The following BEND7 variants were observed in gnomAD, a reference collection of about 807,000 sequenced individuals.
BEND7 encodes BEN domain containing 7.
In BEND7, 28 loss-of-function variants were observed where a neutral mutation model predicts 50.9. The observed-to-expected ratio is 0.55, with a 90% CI of 0.41 to 0.75. The LOEUF is 0.75. BEND7 is among the 30% of genes least tolerant of loss of function. BEND7 has a pLI of 0.00. For missense variants in BEND7, 477 were observed against 491.3 expected (o/e 0.97, Z 0.28); for synonymous variants, 170 against 183.9 (o/e 0.92, Z 0.61).
intron 2 of BEND7, among the ~76,000 whole-genome samples, chr10:13,515,512 G>T (rs542923528): frequency 6.6e-6 from 1 of 152,278 alleles, no homozygotes; most frequent in East Asian, 1.9e-4. Context: ...CAAGGATATT[G>T]GTTGTATGGA....
intron 5 of BEND7, among the ~76,000 whole-genome samples, chr10:13,484,753 C>G (rs569752378): frequency 6.6e-6 from 1 of 152,196 alleles, no homozygotes; most frequent in Non-Finnish European, 1.5e-5. Context: ...ATTTAAGACA[C>G]TTAGAGTCAT....
downstream of BEND7, chr10:13,439,015 C>T: frequency 7.0e-6 from 5 of 719,236 alleles, no homozygotes. Flanking sequence ...ACCTCAGGTC[C>T]AACTTTAATC....
At chr10:13,529,386 G>A (rs1239140901), upstream of BEND7, among the ~76,000 whole-genome samples, 5 of 152,082 alleles carry the variant, frequency 3.3e-5, no homozygotes, top group Non-Finnish European at 7.4e-5. Flanking sequence ...GCGCCCCGGG[G>A]CCCGACGCGC....
chr10:13,447,331 C>T lies in BEND7; in HGVS notation c.1184-15G>A. On this transcript the variant is annotated splice_polypyrimidine_tract_variant and intron_variant, in intron 7 of 8. Transcript: ENST00000466271. ...GTCCGCGATCTCTGCTGGTTACAAA[C>T]ATAAGACACAAATCTCATTAGTTCC... 1.2e-6 allele frequency: 2 copies of T among 1,613,942 alleles called. No individual in the cohort carries two copies. The highest frequency in any genetic ancestry group is 1.7e-6 in the Non-Finnish European group (2 of 1,179,886).
At chr10:13,460,743 T>G (rs914421559) in intron 6 of BEND7, among the ~76,000 whole-genome samples, 5 of 152,248 alleles carry the variant, frequency 3.3e-5, no homozygotes, top group Admixed American at 2.6e-4. Flanking sequence ...TTTTGTTGAT[T>G]CTTATTAAGT....
intron 6 of BEND7, among the ~76,000 whole-genome samples, chr10:13,480,276 T>C (rs923158661): frequency 2.0e-5 from 3 of 152,118 alleles, no homozygotes; most frequent in Non-Finnish European, 2.9e-5. Context: ...ATGGTCATCG[T>C]AGTGCAGTGG....
chr10:13,529,194 CGCCCTG>C (rs888273110), upstream of BEND7, among the ~76,000 whole-genome samples: 143 of 145,762 alleles, frequency 9.8e-4, 1 homozygote, highest in Middle Eastern at 0.01. Flanking sequence ...CGCGGCGCAG[CGCCCTG>C]GCCCGGGCCC....
At chr10:13,465,704 A>AC (rs2074173826) in intron 6 of BEND7, among the ~76,000 whole-genome samples, 1 of 151,858 alleles carries the variant, frequency 6.6e-6, no homozygotes, top group African/African-American at 2.4e-5. Context: ...GTCAAGCCAC[A>AC]CTTTTTTTTT....
intron 6 of BEND7, among the ~76,000 whole-genome samples, chr10:13,470,643 G>A (rs2074720252): frequency 6.6e-6 from 1 of 152,198 alleles, no homozygotes; most frequent in Admixed American, 6.5e-5. Context: ...GAGGAGATGA[G>A]ATCCCTTTTT....
chr10:13,497,413 T>G (rs2132126918), intron 3 of BEND7, among the ~76,000 whole-genome samples: 1 of 152,312 alleles, frequency 6.6e-6, no homozygotes, highest in Non-Finnish European at 1.5e-5. Context: ...TAGAATACTC[T>G]CTGGGTGTGG....
At chr10:13,457,910 C>T (rs1839340843) in intron 6 of BEND7, among the ~76,000 whole-genome samples, 1 of 152,128 alleles carries the variant, frequency 6.6e-6, no homozygotes, top group Non-Finnish European at 1.5e-5. Flanking sequence ...CTTGAGAATG[C>T]AATAGGTTCT....
intron 7 of BEND7, 113 bp from the exon 8 acceptor site, chr10:13,447,429 A>T: frequency 9.8e-7 from 1 of 1,021,334 alleles, no homozygotes; most frequent in East Asian, 2.5e-5. Flanking sequence ...TGTTTTCACC[A>T]TTCTTTTCTG....
At position 13,521,083 on chromosome 10, in the gene BEND7, C is replaced by T. The variant is rs115198995; in HGVS notation, c.145+5055G>A. ...GGAGTTTTAAAACAGTGACTGGGGG[C>T]GCCCTAACATTCTGCAGAGGCCCAC... On this transcript the variant is annotated intron_variant, in intron 2 of 8. Coordinates refer to ENST00000466271, the MANE Select transcript of BEND7 (RefSeq NM_001369863.1). Among the ~76,000 whole-genome samples, 448 of 152,170 alleles carry T rather than the reference C, an allele frequency of 2.9e-3. 3 individuals are homozygous for T. The highest frequency in any genetic ancestry group is 8.7e-3 in the African/African-American group (361 of 41,524).
intron 6 of BEND7, among the ~76,000 whole-genome samples, chr10:13,469,986 T>C (rs4748035): frequency 0.57 from 86,381 of 151,992 alleles, 24,926 homozygotes; most frequent in East Asian, 0.75. Context: ...GCTAGATAAC[T>C]GGCATCAAAA....
chr10:13,508,376 A>AGCAAAGCTCT (rs1317070277), intron 2 of BEND7, among the ~76,000 whole-genome samples: 2 of 152,228 alleles, frequency 1.3e-5, no homozygotes, highest in African/African-American at 4.8e-5. Flanking sequence ...AATAAAGAAG[A>AGCAAAGCTCT]GCAAAGCTCT....
At chr10:13,452,788 G>C (rs764047175) in intron 6 of BEND7, 130 bp from the exon 7 acceptor site, 1 of 754,368 alleles carries the variant, frequency 1.3e-6, no homozygotes, top group Non-Finnish European at 2.0e-6. Flanking sequence ...ATATGTCTTC[G>C]GTATCTGTAT....
chr10:13,521,729 G>A (rs568467131), intron 2 of BEND7, among the ~76,000 whole-genome samples: 3 of 152,294 alleles, frequency 2.0e-5, no homozygotes, highest in African/African-American at 4.8e-5. Flanking sequence ...CTTGGAAGTG[G>A]GGCTCAGCTC....
intron 2 of BEND7, among the ~76,000 whole-genome samples, chr10:13,515,973 C>T (rs997073093): frequency 2.6e-5 from 4 of 152,184 alleles, no homozygotes; most frequent in African/African-American, 4.8e-5. Flanking sequence ...ACCTCATGCG[C>T]CGCATGGGAC....
chr10:13,445,462 T>C (rs1836120119), intron 8 of BEND7: 1 of 152,226 alleles, frequency 6.6e-6, no homozygotes, highest in African/African-American at 2.4e-5. Context: ...TATGGTATCA[T>C]GGCTGGGAGT....
Sources: gnomAD v4.1 joint callset for allele counts (sites outside exome capture counted in the v4.1 genomes callset) on GRCh38, gnomAD v4.1.1 for gene constraint, MANE v1.5 for transcripts, NCBI Gene and HGNC (gene_info 2026-07-23, HGNC 2026-07-21) for gene names.